TMEM170A: variants seen among roughly 807,000 people sequenced by gnomAD.
The protein encoded by TMEM170A is transmembrane protein 170A, also known as transmembrane protein 170.
In TMEM170A, 18 loss-of-function variants were observed where a neutral mutation model predicts 12.8. The ratio of observed to expected loss-of-function variants is 1.41; its 90% CI spans 0.97 to 2.09. The LOEUF is 2.09. Among genes scored for constraint, TMEM170A ranks in the 30% most tolerant of loss-of-function variants. TMEM170A has a pLI of 0.00. For missense variants in TMEM170A, 220 were observed against 179.9 expected, an observed-to-expected ratio of 1.22 and a Z score of -1.28; for synonymous variants, 107 against 76.2, an observed-to-expected ratio of 1.40 and a Z score of -2.11.
chr16:75,463,988 G>C (rs879566163), intron 1 of TMEM170A, among the ~76,000 whole-genome samples: 1 of 152,246 alleles, frequency 6.6e-6, no homozygotes, highest in African/African-American at 2.4e-5. Context: ...CAGCGAACGA[G>C]CGCCTGCGCG....
intron 1 of TMEM170A, among the ~76,000 whole-genome samples, chr16:75,455,986 T>TC (rs146765937): frequency 0.058 from 8,839 of 152,090 alleles, 293 homozygotes; most frequent in Middle Eastern, 0.12. Context: ...GTGTGTTTTT[T>TC]CCCCCAGATC....
At position 75,446,358 on chromosome 16, in the gene TMEM170A, T is replaced by C. The variant is rs2079586594; in HGVS notation, c.*1200A>G. ...CAAAGAGTCACAGTTTTCAGGCCTT[T>C]TAATGAAAAAGAAAGTTAGGCAGTA... On this transcript the variant is annotated 3_prime_UTR_variant, in exon 3 of 3. Coordinates refer to ENST00000561878, the MANE Select transcript of TMEM170A (RefSeq NM_145254.3). 1 of 152,120 alleles carries C rather than the reference T, an allele frequency of 6.6e-6. No individual in the cohort carries two copies. Among genetic ancestry groups the C allele is most frequent in the African/African-American group, 2.4e-5 (1 of 41,414 alleles). 9.4% of individuals were successfully genotyped at this position (152,120 alleles called of 1,614,324 possible).
intron 1 of TMEM170A, among the ~76,000 whole-genome samples, chr16:75,454,894 G>C (rs978420335): frequency 2.0e-5 from 3 of 152,120 alleles, no homozygotes; most frequent in Non-Finnish European, 1.5e-5. Flanking sequence ...TTTACTTCCG[G>C]GGATACACCC....
intron 1 of TMEM170A, chr16:75,464,146 G>A (rs933684293): frequency 6.6e-6 from 9 of 1,362,658 alleles, no homozygotes; most frequent in African/African-American, 1.5e-5. Context: ...GGCTCGTGGG[G>A]TGCAGCTCTG....
intron 1 of TMEM170A, among the ~76,000 whole-genome samples, chr16:75,457,427 A>G (rs1383351710): frequency 1.3e-5 from 2 of 152,126 alleles, no homozygotes; most frequent in Non-Finnish European, 2.9e-5. Context: ...GAGATTCTCA[A>G]TCTCTTGATA....
rs1257480919 is a variant in TMEM170A at position 75,443,932 on chromosome 16, T to C, written c.*3626A>G. On this transcript the variant is annotated 3_prime_UTR_variant, in exon 3 of 3. Transcript: ENST00000561878. ...AATCAAACCCTGTCTCTACTAAAAA[T>C]ACAAAAATTAGCTGGGCCTTGTGGC... 6.6e-6 allele frequency: 1 copy of C among 151,970 alleles called. No individual in the cohort carries two copies. The highest frequency in any genetic ancestry group is 1.9e-4 in the East Asian group (1 of 5,178). The allele number at this position is 151,970 out of a possible 1,614,324, so 9.4% of individuals were successfully genotyped here.
chr16:75,454,330 C>A (rs2079744848), intron 1 of TMEM170A, among the ~76,000 whole-genome samples: 1 of 152,152 alleles, frequency 6.6e-6, no homozygotes, highest in Admixed American at 6.5e-5. Context: ...TTTATAAGAG[C>A]CATGATGGCC....
In TMEM170A at chr16:75,460,209, A is replaced by AGTTTCTTCTTTGTACAAAGAAC. The variant is rs543420843; in HGVS notation, c.133+4237_133+4258dup. Among the ~76,000 whole-genome samples, 342 of 152,284 alleles carry AGTTTCTTCTTTGTACAAAGAAC rather than the reference A, an allele frequency of 2.2e-3. 2 individuals carry two copies. Among genetic ancestry groups the AGTTTCTTCTTTGTACAAAGAAC allele is most frequent in the African/African-American group, 7.4e-3 (308 of 41,556 alleles). ...CCATGCAAAGCCGGTAAGTTTCTTA[A>AGTTTCTTCTTTGTACAAAGAAC]GTTTCTTCTTTGTACAAAGAACGTT... On this transcript the variant is annotated intron_variant, in intron 1 of 2. Coordinates refer to ENST00000561878, the MANE Select transcript of TMEM170A (RefSeq NM_145254.3).
intron 1 of TMEM170A, among the ~76,000 whole-genome samples, chr16:75,462,330 G>A (rs1327063466): frequency 1.3e-5 from 2 of 152,252 alleles, no homozygotes; most frequent in East Asian, 3.9e-4. Context: ...AGAGATTCTC[G>A]TGCCTCAGCC....
At chr16:75,454,389 T>C (rs1419399288) in intron 1 of TMEM170A, among the ~76,000 whole-genome samples, 1 of 151,952 alleles carries the variant, frequency 6.6e-6, no homozygotes, top group East Asian at 1.9e-4. Context: ...GAGGTCGAGG[T>C]GGGCTAATCA....
At position 75,447,565 on chromosome 16, in the gene TMEM170A, G is replaced by C; in HGVS notation, c.428C>G (p.Thr143Ser). Residue 143 changes from threonine to serine, a missense_variant, in exon 3 of 3, where the codon ACT (threonine) becomes AGT (serine). By Grantham distance (58) the Thr-to-Ser change is moderately conservative. Transcript: ENST00000561878. ...TCAGCATAAGGATGTATGCTATAGA[G>C]TAGCTAAAATCCGTAAAAAGGAGAC... The part of the protein sequence containing the change: ...LVVSFLRILA[T>S]L 2 of 1,612,842 alleles carry C rather than the reference G, an allele frequency of 1.2e-6. No individual in the cohort carries two copies. The highest frequency in any genetic ancestry group is 1.7e-6 in the Non-Finnish European group (2 of 1,179,686).
At chr16:75,454,629 C>A (rs78056552) in intron 1 of TMEM170A, among the ~76,000 whole-genome samples, 1 of 151,798 alleles carries the variant, frequency 6.6e-6, no homozygotes. Context: ...AATGACACTC[C>A]GTCTCAAAAA....
Position 75,446,680 on chromosome 16 carries a change from T to C in TMEM170A, c.*878A>G, listed in dbSNP as rs1015892159. On this transcript the variant is annotated 3_prime_UTR_variant, in exon 3 of 3. Coordinates refer to ENST00000561878, the MANE Select transcript of TMEM170A (RefSeq NM_145254.3). The stretch of plus-strand genomic sequence containing the variant: ...ATACCAAAGTCACTAAGAAAAACTA[T>C]GACAGAATGCCTAAAGTATCTTATG... 1.3e-5 allele frequency: 2 copies of C among 152,206 alleles called. No homozygotes were observed. Among genetic ancestry groups the C allele is most frequent in the African/African-American group, 4.8e-5 (2 of 41,466 alleles). The allele number at this position is 152,206 out of a possible 1,614,324, so 9.4% of individuals were successfully genotyped here. A position where few individuals can be genotyped will look rare whatever the true frequency, so the allele number is the denominator to read the frequency against.
Position 75,446,030 on chromosome 16 carries a change from C to G in TMEM170A, c.*1528G>C. 1 of 152,046 alleles carries G rather than the reference C, an allele frequency of 6.6e-6. No individual in the cohort carries two copies. The highest frequency in any genetic ancestry group is 6.6e-5 in the Admixed American group (1 of 15,238). 9.4% of individuals were successfully genotyped at this position (152,046 alleles called of 1,614,324 possible). ...TCTCTACTAAAAATACAAAAATTAG[C>G]CGGGCACGGTGGCAGGTGCCTGTAA... On this transcript the variant is annotated 3_prime_UTR_variant, in exon 3 of 3. Transcript: ENST00000561878.
intron 2 of TMEM170A, among the ~76,000 whole-genome samples, chr16:75,450,029 T>C (rs1458516604): frequency 6.6e-6 from 1 of 152,156 alleles, no homozygotes; most frequent in Non-Finnish European, 1.5e-5. Context: ...AGCTCAATCA[T>C]GCAAGGGTAT....
Position 75,447,679 on chromosome 16 carries a change from A to G in TMEM170A, c.314T>C (p.Ile105Thr). 6.3e-7 allele frequency: 1 copy of G among 1,596,806 alleles called. No homozygotes were observed. The highest frequency in any genetic ancestry group is 8.5e-7 in the Non-Finnish European group (1 of 1,173,950). The change falls in exon 3 of 3, where the codon ATT becomes ACT. Residue 105 changes from isoleucine to threonine, a missense_variant. Transcript: ENST00000561878. ...ITAGILTSAA[I>T]AGVYRAAGKE... ...CCCTGCTGCTCGGTAAACTCCAGCA[A>G]TAGCTGCACCTGATTTAAAATGCAA...
chr16:75,459,692 A>T (rs777948528), intron 1 of TMEM170A, among the ~76,000 whole-genome samples: 3 of 151,980 alleles, frequency 2.0e-5, no homozygotes, highest in Non-Finnish European at 4.4e-5. Flanking sequence ...CCCCATCTCT[A>T]CTAAAACTAC....
chr16:75,462,779 ATTTT>A (rs796572696), intron 1 of TMEM170A, among the ~76,000 whole-genome samples: 7 of 152,106 alleles, frequency 4.6e-5, no homozygotes, highest in African/African-American at 1.7e-4. Context: ...GAATATATAT[ATTTT>A]TTTAAGGAAA....
intron 1 of TMEM170A, among the ~76,000 whole-genome samples, chr16:75,454,273 A>C (rs1481557003): frequency 6.6e-6 from 1 of 152,148 alleles, no homozygotes; most frequent in Admixed American, 6.5e-5. Flanking sequence ...CCAAGGGGGC[A>C]AAACTACCCT....
Sources: gnomAD v4.1 joint callset for allele counts (sites outside exome capture counted in the v4.1 genomes callset) on GRCh38, gnomAD v4.1.1 for gene constraint, MANE v1.5 for transcripts, NCBI Gene and HGNC (gene_info 2026-07-23, HGNC 2026-07-21) for gene names.